Variants in DLG2 observed in about 807,000 individuals in gnomAD.
The protein encoded by DLG2 is discs large MAGUK scaffold protein 2, also known as disks large homolog 2.
In DLG2, 45 loss-of-function variants were observed where a neutral mutation model predicts 132.5. The observed-to-expected ratio is 0.34, with a 90% CI of 0.27 to 0.44. The LOEUF (loss-of-function observed/expected upper bound fraction) is 0.44. DLG2 is among the 20% of genes least tolerant of loss of function. The pLI is 1.00. For missense variants in DLG2, 1,045 were observed against 1,196.9 expected (o/e 0.87, Z 1.87); for synonymous variants, 424 against 419.6 (o/e 1.01, Z -0.13).
intron 6 of DLG2, among the ~76,000 whole-genome samples, chr11:84,564,345 C>G (rs1238421229): frequency 6.6e-6 from 1 of 152,138 alleles, no homozygotes; most frequent in Non-Finnish European, 1.5e-5. Flanking sequence ...AGATTTGGAT[C>G]AGAGTCAACC....
intron 21 of DLG2, among the ~76,000 whole-genome samples, chr11:83,491,246 A>C (rs1206251040): frequency 6.6e-6 from 1 of 151,910 alleles, no homozygotes; most frequent in Non-Finnish European, 1.5e-5. Flanking sequence ...GAAATAAGAA[A>C]AAGAAGCAGA....
chr11:85,484,145 T>A (rs2093367044), intron 3 of DLG2, among the ~76,000 whole-genome samples: 1 of 149,340 alleles, frequency 6.7e-6, no homozygotes, highest in African/African-American at 2.5e-5. Flanking sequence ...GGTAAATGGG[T>A]CAGGTCCGCG....
intron 16 of DLG2, among the ~76,000 whole-genome samples, chr11:83,842,833 AG>A (rs140500909): frequency 0.3 from 41,528 of 136,582 alleles, 6,398 homozygotes; most frequent in Middle Eastern, 0.48. Flanking sequence ...AAAAAAAAAA[AG>A]AAGGAAAATT....
At chr11:83,808,873 G>A (rs2046585149) in intron 17 of DLG2, among the ~76,000 whole-genome samples, 1 of 151,626 alleles carries the variant, frequency 6.6e-6, no homozygotes, top group African/African-American at 2.4e-5. Flanking sequence ...TCCCCTGCAG[G>A]GTCTCACCTC....
intron 11 of DLG2, among the ~76,000 whole-genome samples, chr11:84,032,301 C>T (rs2095720148): frequency 6.6e-6 from 1 of 152,108 alleles, no homozygotes; most frequent in Non-Finnish European, 1.5e-5. Context: ...AGGAAGAGTT[C>T]TTGAAGGAAA....
At chr11:84,831,094 A>G (rs540757434) in intron 6 of DLG2, among the ~76,000 whole-genome samples, 14 of 151,380 alleles carry the variant, frequency 9.2e-5, no homozygotes, top group African/African-American at 3.4e-4. Flanking sequence ...GAGAACATGC[A>G]TTTCTAGGAG....
At chr11:85,386,749 C>T (rs568554596) in intron 3 of DLG2, among the ~76,000 whole-genome samples, 17 of 142,344 alleles carry the variant, frequency 1.2e-4, no homozygotes, top group Non-Finnish European at 2.4e-4. Flanking sequence ...GTGCCTACCA[C>T]AGAGAAGATG....
intron 6 of DLG2, among the ~76,000 whole-genome samples, chr11:84,910,778 AACAACAACAAC>A (rs939025784): frequency 6.6e-6 from 1 of 152,058 alleles, no homozygotes; most frequent in Non-Finnish European, 1.5e-5. Context: ...CAACAACAAC[AACAACAACAAC>A]AACAACAACA....
chr11:85,548,356 T>C (rs1191106632), intron 3 of DLG2, among the ~76,000 whole-genome samples: 1 of 152,204 alleles, frequency 6.6e-6, no homozygotes, highest in African/African-American at 2.4e-5. Flanking sequence ...TTCCTTGCTC[T>C]GGAAGTTTCG....
intron 6 of DLG2, among the ~76,000 whole-genome samples, chr11:85,073,914 C>G (rs182294799): frequency 6.6e-6 from 1 of 151,816 alleles, no homozygotes; most frequent in East Asian, 1.9e-4. Context: ...TACTATGCAG[C>G]CATAAAAAAG....
chr11:84,603,566 C>T (rs2099580419), intron 6 of DLG2, among the ~76,000 whole-genome samples: 1 of 151,852 alleles, frequency 6.6e-6, no homozygotes, highest in Non-Finnish European at 1.5e-5. Flanking sequence ...TCTTAGGGGT[C>T]AACAATAGGT....
rs1565390701 is a variant in DLG2, at chr11:85,370,445, T to C, written c.41-85080A>G. 2.6e-5 allele frequency among the ~76,000 whole-genome samples: 4 copies of C among 152,208 alleles called. No homozygotes were observed. In the South Asian group the frequency reaches 6.2e-4, roughly 24 times the overall value. On this transcript the variant is annotated intron_variant, in intron 3 of 27. Coordinates refer to ENST00000376104, the MANE Select transcript of DLG2 (RefSeq NM_001142699.3). ...AGAAGAGGTTCTTCATGTGAACGTATTGACTAAATTCAAAAAAGGGTATTA... is the reference window on the plus strand; with the variant it reads ...AGAAGAGGTTCTTCATGTGAACGTACTGACTAAATTCAAAAAAGGGTATTA...
At chr11:84,965,831 T>C (rs1049675888) in intron 6 of DLG2, among the ~76,000 whole-genome samples, 3 of 151,956 alleles carry the variant, frequency 2.0e-5, no homozygotes, top group Non-Finnish European at 4.4e-5. Flanking sequence ...GGGCCTCTTA[T>C]CTAAAATCTG....
rs1433366595 is a variant in DLG2 at position 85,047,824 on chromosome 11, A to G, written c.357+63837T>C. 5.3e-5 allele frequency among the ~76,000 whole-genome samples: 8 copies of G among 152,074 alleles called. No individual in the cohort carries two copies. The East Asian group carries it at 1.6e-3, about 29-fold the overall frequency. On this transcript the variant is annotated intron_variant, in intron 6 of 27. Coordinates refer to ENST00000376104, the MANE Select transcript of DLG2 (RefSeq NM_001142699.3). ...TTTCTTAAGGACATATCCTAAATAC[A>G]GTTTTGCAAAAAATCACCAGTAAAT...
At chr11:84,214,325 A>T (rs1360675748) in intron 8 of DLG2, among the ~76,000 whole-genome samples, 1 of 148,676 alleles carries the variant, frequency 6.7e-6, no homozygotes, top group East Asian at 1.9e-4. Context: ...ATGTTTATAT[A>T]TGTTTTTATG....
At chr11:85,211,071 C>T (rs1407255899) in intron 4 of DLG2, among the ~76,000 whole-genome samples, 1 of 152,060 alleles carries the variant, frequency 6.6e-6, no homozygotes, top group Admixed American at 6.6e-5. Flanking sequence ...TTTGTAGTTG[C>T]TCATCTCTAC....
intron 16 of DLG2, among the ~76,000 whole-genome samples, chr11:83,868,202 C>A (rs923498258): frequency 1.3e-5 from 2 of 152,146 alleles, no homozygotes; most frequent in Non-Finnish European, 2.9e-5. Context: ...GGAAGGCCTG[C>A]AAACTTTTTG....
At chr11:84,554,590 T>C (rs1295063123) in intron 6 of DLG2, among the ~76,000 whole-genome samples, 3 of 151,988 alleles carry the variant, frequency 2.0e-5, no homozygotes, top group Admixed American at 6.6e-5. Flanking sequence ...CTTCTAAATA[T>C]ACAAAATTAG....
intron 2 of DLG2, among the ~76,000 whole-genome samples, chr11:85,609,336 G>C (rs1342031084): frequency 1.3e-5 from 2 of 152,110 alleles, no homozygotes; most frequent in Non-Finnish European, 2.9e-5. Context: ...AAAATCTGGA[G>C]GCATTATTAA....
Sources: gnomAD v4.1 joint callset for allele counts (sites outside exome capture counted in the v4.1 genomes callset) on GRCh38, gnomAD v4.1.1 for gene constraint, MANE v1.5 for transcripts, NCBI Gene and HGNC (gene_info 2026-07-23, HGNC 2026-07-21) for gene names.